The following ASIC2 variants were observed in gnomAD, a reference collection of about 807,000 sequenced individuals.
ASIC2 encodes the protein acid sensing ion channel subunit 2.
ASIC2 carries 25 observed loss-of-function variants against 57.3 expected under a neutral mutation model. The observed-to-expected ratio is 0.44, with a 90% confidence interval of 0.32 to 0.61. The LOEUF (loss-of-function observed/expected upper bound fraction) is 0.61. ASIC2 is among the 20% of genes least tolerant of loss of function. ASIC2 has a pLI of 0.06. For synonymous variants in ASIC2, 319 were observed against 307.5 expected (o/e 1.04, Z -0.39); for missense variants, 641 against 738.1 (o/e 0.87, Z 1.52).
Position 33,291,397 on chromosome 17 carries a change from G to A in ASIC2, c.708+11C>T. 1 of 1,588,862 alleles carries A rather than the reference G, an allele frequency of 6.3e-7. No individual in the cohort carries two copies. Among genetic ancestry groups the A allele is most frequent in the South Asian group, 1.1e-5 (1 of 88,406 alleles). ...CGCAGAGGGAGCGGGTTCGCGCGGA[G>A]GGCAACTCACGGAGGAGAAGTTGTG... On this transcript the variant is annotated intron_variant, in intron 1 of 9. Coordinates refer to ENST00000225823, the MANE Select transcript of ASIC2 (RefSeq NM_183377.2).
intron 1 of ASIC2, among the ~76,000 whole-genome samples, chr17:33,281,169 T>C (rs1904930502): frequency 1.3e-5 from 2 of 152,220 alleles, no homozygotes; most frequent in Admixed American, 6.5e-5. Flanking sequence ...CCCTCTCTGA[T>C]TTTTAATTTT....
At chr17:33,098,978 A>AATATATATATAAAAACAAAAT (rs1555570178) in intron 2 of ASIC2, among the ~76,000 whole-genome samples, 14,857 of 148,390 alleles carry the variant, frequency 0.1, 887 homozygotes, top group African/African-American at 0.15. Flanking sequence ...ATAAACAAAA[A>AATATATATATAAAAACAAAAT]ATATATATAT....
chr17:33,740,104 A>C (rs1450478864), intron 1 of ASIC2, among the ~76,000 whole-genome samples: 1 of 152,194 alleles, frequency 6.6e-6, no homozygotes, highest in Non-Finnish European at 1.5e-5. Flanking sequence ...GGGTTATTCA[A>C]AGTCATAGCC....
At chr17:33,264,984 C>G (rs937720172) in intron 1 of ASIC2, among the ~76,000 whole-genome samples, 1 of 152,270 alleles carries the variant, frequency 6.6e-6, no homozygotes, top group Non-Finnish European at 1.5e-5. Flanking sequence ...GGCTTTGCCC[C>G]TGATTATGTG....
At position 33,306,768 on chromosome 17, in the gene ASIC2, G is replaced by A. The variant is rs114098667; in HGVS notation, c.556-194701C>T. Among the ~76,000 whole-genome samples, 50 of 152,134 alleles carry A rather than the reference G, an allele frequency of 3.3e-4. 1 individual carries two copies. The highest frequency in any genetic ancestry group is 1.1e-3 in the African/African-American group (44 of 41,498). ...TTCCCCACTCTGCCATTGTAATTAT[G>A]TCATTGCTCTGCTTAAAATCCGTCA... is the stretch of plus-strand genomic sequence containing the variant. On this transcript the variant is annotated intron_variant, in intron 1 of 9. Transcript: ENST00000359872.
At chr17:33,574,800 A>C (rs1251434855) in intron 1 of ASIC2, among the ~76,000 whole-genome samples, 1 of 152,040 alleles carries the variant, frequency 6.6e-6, no homozygotes, top group Admixed American at 6.6e-5. Context: ...AGGAAGATAG[A>C]ACGGCACATT....
chr17:33,198,568 T>C (rs1906731408), intron 1 of ASIC2, among the ~76,000 whole-genome samples: 1 of 152,236 alleles, frequency 6.6e-6, no homozygotes, highest in African/African-American at 2.4e-5. Context: ...ACATGGTGAC[T>C]GATCCAGGTA....
chr17:33,280,592 C>T (rs914511809), intron 1 of ASIC2, among the ~76,000 whole-genome samples: 3 of 152,202 alleles, frequency 2.0e-5, no homozygotes, highest in African/African-American at 7.2e-5. Context: ...TGTTGGCAGC[C>T]ATGTGCCTCA....
At chr17:33,985,726 C>T (rs1905795381) in intron 1 of ASIC2, among the ~76,000 whole-genome samples, 1 of 152,204 alleles carries the variant, frequency 6.6e-6, no homozygotes, top group Admixed American at 6.5e-5. Context: ...GTATGCAGAA[C>T]TTCTCAGTGC....
intron 1 of ASIC2, among the ~76,000 whole-genome samples, chr17:33,842,835 C>T (rs974479691): frequency 4.6e-5 from 7 of 152,110 alleles, no homozygotes; most frequent in Non-Finnish European, 8.8e-5. Flanking sequence ...TGTACTGACA[C>T]GTGATGGGCT....
rs191189357 is a variant in ASIC2 at position 33,013,620 on chromosome 17, C to T, written c.*345G>A. On this transcript the variant is annotated 3_prime_UTR_variant, in exon 10 of 10. Coordinates refer to ENST00000225823, the MANE Select transcript of ASIC2 (RefSeq NM_183377.2). Reference sequence around the variant, plus strand: ...GCAGCAGTGTGGACACTGGAAACCGCGTGGAGGAGTGTCATGTACAAGACA... The same window carrying T: ...GCAGCAGTGTGGACACTGGAAACCGTGTGGAGGAGTGTCATGTACAAGACA... 9 of 285,998 alleles carry T rather than the reference C, an allele frequency of 3.1e-5. No individual in the cohort carries two copies. Among genetic ancestry groups the T allele is most frequent in the Admixed American group, 1.3e-4 (3 of 22,894 alleles). 17.7% of individuals were successfully genotyped at this position (285,998 alleles called of 1,614,324 possible).
In ASIC2 at chr17:33,015,986, G is replaced by T. The variant is rs1158025202; in HGVS notation, c.1575C>A (p.Ser525Arg). 2 of 1,614,012 alleles carry T rather than the reference G, an allele frequency of 1.2e-6. No individual in the cohort carries two copies. Among genetic ancestry groups the T allele is most frequent in the South Asian group, 1.1e-5 (1 of 91,072 alleles). ...DLLGKEEDEG[S>R]HDENVSTCDT... Reference sequence around the variant, plus strand: ...CTGCTCTTACCACATTCTCATCGTGGCTCCCTTCGTCCTCCTCTTTGCCAA... The same window carrying T: ...CTGCTCTTACCACATTCTCATCGTGTCTCCCTTCGTCCTCCTCTTTGCCAA... The change falls in exon 9 of 10, where the codon AGC becomes AGA. Residue 525 changes from serine (S) to arginine (R), a missense_variant. Ser to Arg is a moderately radical substitution (Grantham distance 110). Around this residue, in one of 3 missense-constraint regions of ASIC2, gnomAD observed 252 missense variants for 319.8 expected, o/e 0.79. Transcript: ENST00000225823.
chr17:33,558,866 A>C (rs999281935), intron 1 of ASIC2, among the ~76,000 whole-genome samples: 20 of 151,998 alleles, frequency 1.3e-4, no homozygotes, highest in African/African-American at 4.6e-4. Context: ...TCCCAAATTC[A>C]AGCAATACTC....
chr17:33,936,094 A>C (rs970035113), intron 1 of ASIC2: 17 of 152,254 alleles, frequency 1.1e-4, no homozygotes, highest in Admixed American at 7.9e-4. Flanking sequence ...AGGAGATAGC[A>C]CATGAAGAGC....
At chr17:33,450,908 C>A (rs150972463) in intron 1 of ASIC2, among the ~76,000 whole-genome samples, 1 of 152,292 alleles carries the variant, frequency 6.6e-6, no homozygotes, top group African/African-American at 2.4e-5. Context: ...GCCTTCTGGG[C>A]AGAGCTCCAT....
chr17:33,537,079 A>T (rs538399358), intron 1 of ASIC2, among the ~76,000 whole-genome samples: 1 of 152,182 alleles, frequency 6.6e-6, no homozygotes, highest in Non-Finnish European at 1.5e-5. Flanking sequence ...GGGCCTTCCC[A>T]TTGCCCTTAG....
intron 1 of ASIC2, among the ~76,000 whole-genome samples, chr17:33,990,447 G>A (rs866002888): frequency 6.6e-6 from 1 of 152,202 alleles, no homozygotes; most frequent in African/African-American, 2.4e-5. Context: ...GGAAAGCAAA[G>A]GACTAGAGGA....
At chr17:33,914,520 T>C (rs903407040) in intron 1 of ASIC2, among the ~76,000 whole-genome samples, 1 of 152,126 alleles carries the variant, frequency 6.6e-6, no homozygotes, top group Non-Finnish European at 1.5e-5. Context: ...GGCCAGAGTT[T>C]TACAACTGCA....
intron 1 of ASIC2, among the ~76,000 whole-genome samples, chr17:33,686,128 T>C (rs1041780655): frequency 4.6e-5 from 7 of 152,166 alleles, no homozygotes; most frequent in Non-Finnish European, 8.8e-5. Context: ...AGTGGGTTTC[T>C]GAGTTCTTAA....
Sources: gnomAD v4.1 joint callset for allele counts (sites outside exome capture counted in the v4.1 genomes callset) on GRCh38, gnomAD v4.1.1 for gene constraint, gnomAD v4.1.1 regional missense constraint, MANE v1.5 for transcripts, NCBI Gene and HGNC (gene_info 2026-07-23, HGNC 2026-07-21) for gene names.